The following ARHGAP22 variants were observed in gnomAD, a reference collection of about 807,000 sequenced individuals.
ARHGAP22 encodes rho GTPase-activating protein 22.
ARHGAP22 carries 48 observed loss-of-function variants against 59.1 expected under a neutral mutation model. That is an observed-to-expected ratio of 0.81 (90% CI 0.64 to 1.03). ARHGAP22 has a LOEUF of 1.03. ARHGAP22 is among the 50% of genes least tolerant of loss of function. The pLI is 0.00. For missense variants in ARHGAP22, 1,015 were observed against 958.7 expected, an observed-to-expected ratio of 1.06 and a Z score of -0.78; for synonymous variants, 445 against 416.4, an observed-to-expected ratio of 1.07 and a Z score of -0.84.
intron 9 of ARHGAP22, among the ~76,000 whole-genome samples, chr10:48,447,700 G>A (rs1276255813): frequency 2.0e-5 from 3 of 152,012 alleles, no homozygotes; most frequent in Middle Eastern, 3.4e-3. Context: ...CCAACTACAC[G>A]CTGATGACCC....
At chr10:48,539,595 T>G (rs536724279) in intron 3 of ARHGAP22, among the ~76,000 whole-genome samples, 44 of 152,302 alleles carry the variant, frequency 2.9e-4, no homozygotes, top group African/African-American at 1.1e-3. Flanking sequence ...CCGGCCAACA[T>G]TTTTAACATT....
intron 1 of ARHGAP22, among the ~76,000 whole-genome samples, chr10:48,600,761 G>A (rs2060333264): frequency 6.6e-6 from 1 of 152,192 alleles, no homozygotes; most frequent in African/African-American, 2.4e-5. Flanking sequence ...CCATGGGGTG[G>A]AGTACCTGGC....
chr10:48,465,714 C>T (rs1295151692), intron 4 of ARHGAP22, among the ~76,000 whole-genome samples: 1 of 152,202 alleles, frequency 6.6e-6, no homozygotes, highest in Non-Finnish European at 1.5e-5. Context: ...CTTACAGGAG[C>T]GGGCAATGAC....
upstream of ARHGAP22, among the ~76,000 whole-genome samples, chr10:48,655,054 C>CCT (rs2062739460): frequency 1.9e-4 from 12 of 61,610 alleles, 1 homozygote; most frequent in African/African-American, 8.0e-4. Flanking sequence ...TTCTTTCTTT[C>CCT]TCCTTCCTTC....
At chr10:48,514,171 C>T (rs1466068132) in intron 3 of ARHGAP22, among the ~76,000 whole-genome samples, 1 of 151,556 alleles carries the variant, frequency 6.6e-6, no homozygotes, top group African/African-American at 2.4e-5. Flanking sequence ...TGATGGGACA[C>T]CATAAAGTGC....
intron 2 of ARHGAP22, among the ~76,000 whole-genome samples, chr10:48,558,369 G>GTTTT (rs1300759388): frequency 1.3e-5 from 2 of 149,164 alleles, no homozygotes; most frequent in African/African-American, 5.0e-5. Flanking sequence ...GTTTTGTTTT[G>GTTTT]TTTTGTTTTG....
At chr10:48,495,797 G>A (rs184438683) in intron 3 of ARHGAP22, among the ~76,000 whole-genome samples, 32 of 152,316 alleles carry the variant, frequency 2.1e-4, no homozygotes, top group Admixed American at 5.9e-4. Context: ...ACATTCCCTC[G>A]CTTGTTCTCT....
intron 1 of ARHGAP22, among the ~76,000 whole-genome samples, chr10:48,648,257 A>C (rs1039764173): frequency 1.3e-5 from 2 of 152,224 alleles, no homozygotes; most frequent in African/African-American, 4.8e-5. Flanking sequence ...GAAGAAAAAA[A>C]GATGGGAAAG....
intron 3 of ARHGAP22, among the ~76,000 whole-genome samples, chr10:48,552,968 C>T (rs2057015731): frequency 6.6e-6 from 1 of 152,256 alleles, no homozygotes; most frequent in African/African-American, 2.4e-5. Context: ...ATTCACCTTA[C>T]CCCTCTGGCC....
chr10:48,464,593 C>T (rs767470337), intron 4 of ARHGAP22, among the ~76,000 whole-genome samples: 1 of 152,178 alleles, frequency 6.6e-6, no homozygotes, highest in Non-Finnish European at 1.5e-5. Context: ...GTTGGCAGCA[C>T]CCTGCCCTGG....
chr10:48,583,912 T>C (rs1487355141), intron 1 of ARHGAP22, among the ~76,000 whole-genome samples: 7 of 152,156 alleles, frequency 4.6e-5, no homozygotes, highest in Admixed American at 4.6e-4. Context: ...CTTATTCTGG[T>C]TGATGGTGCT....
At chr10:48,652,501 C>T (rs1467243052) in exon 1 of ARHGAP22, 3 of 579,350 alleles carry the variant, frequency 5.2e-6, no homozygotes, top group South Asian at 4.5e-5. Flanking sequence ...GTAAGTGCAT[C>T]TAGGGATCTT....
At chr10:48,503,874 T>A (rs998469840) in intron 3 of ARHGAP22, among the ~76,000 whole-genome samples, 1 of 152,252 alleles carries the variant, frequency 6.6e-6, no homozygotes, top group Non-Finnish European at 1.5e-5. Flanking sequence ...CCGAGCAATG[T>A]GGCCTAATAG....
intron 3 of ARHGAP22, among the ~76,000 whole-genome samples, chr10:48,503,107 C>G (rs2051705834): frequency 6.6e-6 from 1 of 152,186 alleles, no homozygotes. Context: ...GAATGCATGG[C>G]TGAGACTGGA....
At position 48,548,329 on chromosome 10, in the gene ARHGAP22, C is replaced by T. The variant is rs1325964578; in HGVS notation, c.322+7134G>A. Among the ~76,000 whole-genome samples the T allele has an allele frequency of 2.6e-5, 4 of 152,282 alleles. No homozygotes were observed. The East Asian group carries it at 5.8e-4, about 22-fold the overall frequency. ...TCTGCAACCTGCTCCAACCAGGACTCTTAATCTCCACTCCCCCGGCCCCAC... is the reference window on the plus strand; with the variant it reads ...TCTGCAACCTGCTCCAACCAGGACTTTTAATCTCCACTCCCCCGGCCCCAC... On this transcript the variant is annotated intron_variant, in intron 3 of 9. Coordinates refer to ENST00000249601, the MANE Select transcript of ARHGAP22 (RefSeq NM_021226.4).
chr10:48,539,712 C>T (rs1386403726), intron 3 of ARHGAP22, among the ~76,000 whole-genome samples: 1 of 152,042 alleles, frequency 6.6e-6, no homozygotes, highest in Non-Finnish European at 1.5e-5. Context: ...TTCTGAATAC[C>T]TTTCCATAGA....
At chr10:48,524,702 A>G (rs1399316499) in intron 3 of ARHGAP22, among the ~76,000 whole-genome samples, 3 of 152,126 alleles carry the variant, frequency 2.0e-5, no homozygotes, top group African/African-American at 7.2e-5. Context: ...ACTGTGCAGT[A>G]GTAGGAAGAG....
At position 48,450,512 on chromosome 10, in the gene ARHGAP22, G is replaced by C; in HGVS notation, c.1617C>G (p.Ala539=). Residue 539 remains alanine, a synonymous_variant, in exon 9 of 10, where the codon GCC becomes GCG. Coordinates refer to ENST00000249601, the MANE Select transcript of ARHGAP22 (RefSeq NM_021226.4). ...CCCAGTCGGTGTGCAGGGAACTGCG[G>C]GCAGACGAGTCGCTGGCGCGGCAGG... is the stretch of plus-strand genomic sequence containing the variant. ...CTACRASDSS[A]RSSLHTDWAL... is the part of the protein sequence containing the mutation. The C allele has an allele frequency of 1.3e-6, 2 of 1,527,872 alleles. No homozygotes were observed. Among genetic ancestry groups the C allele is most frequent in the Non-Finnish European group, 1.8e-6 (2 of 1,137,492 alleles). The allele number at this position is 1,527,872 out of a possible 1,614,324, so 94.6% of individuals were successfully genotyped here.
At chr10:48,631,274 T>A (rs2061619554) in intron 1 of ARHGAP22, among the ~76,000 whole-genome samples, 1 of 152,240 alleles carries the variant, frequency 6.6e-6, no homozygotes, top group South Asian at 2.1e-4. Context: ...CTTTTCTTTC[T>A]TGTCTTTATC....
Sources: allele counts gnomAD v4.1 joint callset (sites outside exome capture counted in the v4.1 genomes callset), GRCh38; gene constraint gnomAD v4.1.1; transcripts MANE v1.5; gene names NCBI Gene and HGNC (gene_info 2026-07-23, HGNC 2026-07-21).